The following KCNK2 variants were observed in gnomAD, a reference collection of about 807,000 sequenced individuals.
KCNK2 encodes potassium two pore domain channel subfamily K member 2, also known as potassium channel subfamily K member 2.
Under a neutral mutation model 40.5 loss-of-function variants are expected in KCNK2, and 21 were observed. That is an observed-to-expected ratio of 0.52 (90% CI 0.37 to 0.75). The LOEUF (loss-of-function observed/expected upper bound fraction) is 0.75. Among genes scored for constraint, KCNK2 ranks in the 30% least tolerant of loss-of-function variants. The probability of loss-of-function intolerance (pLI) is 0.00; values close to 1 mark genes in which losing one functional copy is unlikely to be tolerated. For missense variants in KCNK2, 399 were observed against 531.6 expected, an observed-to-expected ratio of 0.75 and a Z score of 2.45; for synonymous variants, 191 against 202.2, an observed-to-expected ratio of 0.94 and a Z score of 0.47.
intron 1 of KCNK2, 72 bp downstream of exon 1, chr1:215,083,503 C>T (rs539971501): frequency 1.4e-5 from 15 of 1,075,512 alleles, no homozygotes; most frequent in Non-Finnish European, 2.0e-5. Context: ...TCTGGGAGGA[C>T]TGCAAATGCC....
intron 1 of KCNK2, among the ~76,000 whole-genome samples, chr1:215,047,017 A>G (rs906577365): frequency 2.0e-5 from 3 of 152,092 alleles, no homozygotes; most frequent in Admixed American, 6.5e-5. Context: ...TAATTTCACA[A>G]CTTCTTAGAG....
At chr1:215,048,521 A>C (rs1657866984) in intron 1 of KCNK2, among the ~76,000 whole-genome samples, 1 of 152,204 alleles carries the variant, frequency 6.6e-6, no homozygotes, top group African/African-American at 2.4e-5. Flanking sequence ...TTTAGCAACA[A>C]ACACATACAA....
At chr1:215,048,754 G>A (rs997641066) in intron 1 of KCNK2, among the ~76,000 whole-genome samples, 1 of 152,134 alleles carries the variant, frequency 6.6e-6, no homozygotes, top group East Asian at 1.9e-4. Context: ...AATGCATAAA[G>A]CTCTGTTCCC....
chr1:215,009,800 C>G (rs576663972), intron 1 of KCNK2, among the ~76,000 whole-genome samples: 150 of 152,138 alleles, frequency 9.9e-4, no homozygotes, highest in African/African-American at 3.5e-3. Flanking sequence ...ATTAGGTGTG[C>G]AGAAAAACCT....
intron 1 of KCNK2, among the ~76,000 whole-genome samples, chr1:215,073,298 G>A (rs1658820327): frequency 6.6e-6 from 1 of 152,042 alleles, no homozygotes; most frequent in South Asian, 2.1e-4. Flanking sequence ...ATGAGTTTTT[G>A]GCACTTTGTT....
At chr1:215,038,329 C>T (rs1321472464) in intron 1 of KCNK2, among the ~76,000 whole-genome samples, 1 of 152,004 alleles carries the variant, frequency 6.6e-6, no homozygotes, top group African/African-American at 2.4e-5. Flanking sequence ...AAGTTCATGA[C>T]TCTTTTGTTC....
chr1:215,080,311 G>A (rs1044138538), upstream of KCNK2, among the ~76,000 whole-genome samples: 2 of 152,078 alleles, frequency 1.3e-5, no homozygotes, highest in Non-Finnish European at 2.9e-5. Context: ...AACTCGGAGG[G>A]GGGAATGAAA....
At chr1:215,204,606 T>C (rs921308881) in intron 6 of KCNK2, among the ~76,000 whole-genome samples, 2 of 152,164 alleles carry the variant, frequency 1.3e-5, no homozygotes, top group Non-Finnish European at 2.9e-5. Flanking sequence ...AAATTGTTTT[T>C]GGACTTTCTT....
At chr1:215,211,053 A>ATAAT (rs1356247172) in intron 6 of KCNK2, among the ~76,000 whole-genome samples, 2 of 152,170 alleles carry the variant, frequency 1.3e-5, no homozygotes. Flanking sequence ...AGACACCAGA[A>ATAAT]TAATCCTTTG....
At chr1:215,029,899 G>A (rs1338843563) in intron 1 of KCNK2, among the ~76,000 whole-genome samples, 1 of 152,032 alleles carries the variant, frequency 6.6e-6, no homozygotes, top group East Asian at 1.9e-4. Flanking sequence ...TTTTTGTGTG[G>A]ACATGTTTTT....
chr1:215,217,453 C>T (rs1425399840), intron 6 of KCNK2, among the ~76,000 whole-genome samples: 1 of 152,130 alleles, frequency 6.6e-6, no homozygotes, highest in Non-Finnish European at 1.5e-5. Context: ...CTGAAAACAA[C>T]AGCAACAAAG....
Position 215,124,747 on chromosome 1 carries a change from A to G in KCNK2, c.472A>G (p.Ile158Val). The G allele has an allele frequency of 2.6e-6, 4 of 1,554,568 alleles. No homozygotes were observed. The highest frequency in any genetic ancestry group is 3.6e-6 in the Non-Finnish European group (4 of 1,126,006). Residue 158 changes from isoleucine to valine, a missense_variant, in exon 3 of 7, where the codon ATA (isoleucine) becomes GTA (valine). Around this residue, in one of 3 missense-constraint regions of KCNK2, gnomAD observed 279 missense variants for 353.8 expected, o/e 0.79. Transcript: ENST00000444842. ...CTTTGCTGGCACTGTTATTACAACC[A>G]TAGGTAGGAGACAACTTATTTTTGT... is the stretch of plus-strand genomic sequence containing the variant. ...FFFAGTVITT[I>V]GFGNISPRTE...
chr1:215,119,544 T>C (rs1194982941), intron 2 of KCNK2, among the ~76,000 whole-genome samples: 1 of 152,196 alleles, frequency 6.6e-6, no homozygotes, highest in Admixed American at 6.5e-5. Flanking sequence ...GTCCATCCTA[T>C]ACTTGTCTAT....
chr1:215,054,292 C>A (rs1658083565), intron 1 of KCNK2, among the ~76,000 whole-genome samples: 1 of 152,268 alleles, frequency 6.6e-6, no homozygotes, highest in East Asian at 1.9e-4. Flanking sequence ...TCCACCAAGT[C>A]TGAAAGAGTT....
intron 1 of KCNK2, among the ~76,000 whole-genome samples, chr1:215,073,847 T>G (rs1037964722): frequency 2.6e-5 from 4 of 152,218 alleles, no homozygotes; most frequent in Non-Finnish European, 4.4e-5. Context: ...AATATTATGA[T>G]TCCTGTTCTT....
intron 3 of KCNK2, among the ~76,000 whole-genome samples, chr1:215,139,968 G>C (rs1418603193): frequency 2.6e-5 from 4 of 152,072 alleles, no homozygotes; most frequent in Non-Finnish European, 5.9e-5. Context: ...ATTTTCCTAT[G>C]TATAGTTGAC....
chr1:215,169,220 G>T lies in KCNK2; in HGVS notation c.497G>T (p.Arg166Leu). The part of the protein sequence containing the change: ...TTIGFGNISP[R>L]TEGGKIFCII... ...AAAGGATTTGGAAACATCTCACCACGCACAGAAGGCGGCAAAATATTCTGT... is the reference window on the plus strand; with the variant it reads ...AAAGGATTTGGAAACATCTCACCACTCACAGAAGGCGGCAAAATATTCTGT... Residue 166 changes from arginine (R) to leucine (L), a missense_variant, in exon 4 of 7, where the codon CGC (arginine) becomes CTC (leucine). Around this residue, in one of 3 missense-constraint regions of KCNK2, gnomAD observed 279 missense variants for 353.8 expected, o/e 0.79. Coordinates refer to ENST00000444842, the MANE Select transcript of KCNK2 (RefSeq NM_001017425.3). The T allele has an allele frequency of 6.2e-7, 1 of 1,608,264 alleles. No individual in the cohort carries two copies. Among genetic ancestry groups the T allele is most frequent in the Non-Finnish European group, 8.5e-7 (1 of 1,177,524 alleles).
intron 6 of KCNK2, among the ~76,000 whole-genome samples, chr1:215,210,877 T>A (rs756849700): frequency 6.6e-6 from 1 of 152,136 alleles, no homozygotes; most frequent in East Asian, 1.9e-4. Context: ...GTTTTACATT[T>A]CATCTATCAA....
chr1:215,033,704 A>G (rs1657285807), intron 1 of KCNK2, among the ~76,000 whole-genome samples: 1 of 152,104 alleles, frequency 6.6e-6, no homozygotes, highest in African/African-American at 2.4e-5. Context: ...ATGTGGAAGG[A>G]TAGAGGGGTC....
Sources: gnomAD v4.1 joint callset for allele counts (sites outside exome capture counted in the v4.1 genomes callset) on GRCh38, gnomAD v4.1.1 for gene constraint, gnomAD v4.1.1 regional missense constraint, MANE v1.5 for transcripts, NCBI Gene and HGNC (gene_info 2026-07-23, HGNC 2026-07-21) for gene names.